The following GRM5 variants were observed in gnomAD, a reference collection of about 807,000 sequenced individuals.
The protein encoded by GRM5 is glutamate metabotropic receptor 5.
In GRM5, 19 loss-of-function variants were observed where a neutral mutation model predicts 83.1. That is an observed-to-expected ratio of 0.23 (90% CI 0.16 to 0.34). The LOEUF (loss-of-function observed/expected upper bound fraction) is 0.34. Among genes scored for constraint, GRM5 ranks in the 10% least tolerant of loss-of-function variants. The pLI, the probability that GRM5 is intolerant of heterozygous loss-of-function variation, is 1.00. For synonymous variants in GRM5, 675 were observed against 633.6 expected (o/e 1.07, Z -0.98); for missense variants, 1,160 against 1,588.3 (o/e 0.73, Z 4.58).
intron 3 of GRM5, among the ~76,000 whole-genome samples, chr11:88,774,692 C>T (rs1300172297): frequency 1.3e-5 from 2 of 152,210 alleles, no homozygotes; most frequent in Non-Finnish European, 2.9e-5. Flanking sequence ...GTCTTTTCTG[C>T]ATCTATTGAG....
intron 8 of GRM5, among the ~76,000 whole-genome samples, chr11:88,539,140 G>A (rs888319182): frequency 2.0e-5 from 3 of 152,190 alleles, no homozygotes; most frequent in Non-Finnish European, 4.4e-5. Context: ...GGGACTGATG[G>A]AGCTTAAACC....
At chr11:88,534,066 A>G (rs1942078589) in intron 8 of GRM5, among the ~76,000 whole-genome samples, 2 of 152,188 alleles carry the variant, frequency 1.3e-5, no homozygotes, top group South Asian at 4.1e-4. Flanking sequence ...ATTTCAGAAG[A>G]TGTATGAAAA....
chr11:88,676,365 AT>A lies in GRM5; in HGVS notation c.912-22963del, dbSNP rs1427086961. 2.0e-5 allele frequency among the ~76,000 whole-genome samples: 3 copies of A among 151,982 alleles called. No homozygotes were observed. In the East Asian group the frequency reaches 5.8e-4, roughly 29 times the overall value. On this transcript the variant is annotated intron_variant, in intron 3 of 9. Transcript: ENST00000305447. Reference sequence around the variant, plus strand: ...GCACCTATTATATGCCTATGCTATCATTTGAGATACAATGACAAGCTGTTCT... The same window carrying A: ...GCACCTATTATATGCCTATGCTATCATTGAGATACAATGACAAGCTGTTCT...
chr11:88,974,320 A>G (rs1386552410), intron 2 of GRM5, among the ~76,000 whole-genome samples: 14 of 152,060 alleles, frequency 9.2e-5, no homozygotes, highest in Non-Finnish European at 1.2e-4. Flanking sequence ...GGAGAAAAAG[A>G]TTGAAAAACA....
chr11:88,970,890 T>C (rs1170415345), intron 2 of GRM5, among the ~76,000 whole-genome samples: 2 of 152,172 alleles, frequency 1.3e-5, no homozygotes, highest in African/African-American at 4.8e-5. Context: ...GCTTTCTAAA[T>C]GTCCTTTTCT....
At chr11:88,776,625 G>T (rs1225090578) in intron 3 of GRM5, among the ~76,000 whole-genome samples, 2 of 152,142 alleles carry the variant, frequency 1.3e-5, no homozygotes, top group African/African-American at 4.8e-5. Context: ...CTCTTGTAAC[G>T]CAGGCCTGGT....
At chr11:88,689,148 C>A (rs1340984297) in intron 3 of GRM5, among the ~76,000 whole-genome samples, 1 of 152,042 alleles carries the variant, frequency 6.6e-6, no homozygotes, top group Non-Finnish European at 1.5e-5. Flanking sequence ...CAGTAGTTTC[C>A]TTCCCATTTG....
At chr11:88,679,934 A>T (rs1940434833) in intron 3 of GRM5, among the ~76,000 whole-genome samples, 2 of 1,954 alleles carry the variant, frequency 1.0e-3, no homozygotes, top group African/African-American at 1.1e-3. Flanking sequence ...TGTTTAATAA[A>T]AACAAATAGA....
chr11:88,558,085 G>A (rs1422088887), intron 8 of GRM5, among the ~76,000 whole-genome samples: 1 of 152,002 alleles, frequency 6.6e-6, no homozygotes, highest in African/African-American at 2.4e-5. Context: ...TTTGTGTCTT[G>A]TTTATCTTTA....
At chr11:88,913,587 CTTTT>C (rs5793358) in intron 2 of GRM5, among the ~76,000 whole-genome samples, 14 of 87,324 alleles carry the variant, frequency 1.6e-4, no homozygotes, top group East Asian at 3.3e-4. Context: ...CTCTCTCTCT[CTTTT>C]TTTTTTTTTT....
intron 9 of GRM5, among the ~76,000 whole-genome samples, chr11:88,513,198 T>G (rs1245823117): frequency 1.3e-5 from 2 of 152,164 alleles, no homozygotes; most frequent in Non-Finnish European, 2.9e-5. Context: ...ATATCATAAC[T>G]CTTTGCTATA....
At chr11:88,985,680 C>T (rs1257998779) in intron 2 of GRM5, among the ~76,000 whole-genome samples, 1 of 152,154 alleles carries the variant, frequency 6.6e-6, no homozygotes, top group African/African-American at 2.4e-5. Flanking sequence ...CCCCAAGACA[C>T]TTTCAGAAGA....
At chr11:89,046,666 T>G (rs1432561871) in intron 2 of GRM5, among the ~76,000 whole-genome samples, 1 of 152,200 alleles carries the variant, frequency 6.6e-6, no homozygotes, top group African/African-American at 2.4e-5. Context: ...TAAAATTAAT[T>G]TATTCTTATC....
intron 2 of GRM5, among the ~76,000 whole-genome samples, chr11:88,891,333 C>A: frequency 6.6e-6 from 1 of 152,040 alleles, no homozygotes; most frequent in East Asian, 1.9e-4. Flanking sequence ...TTATGACTAT[C>A]TGGAATTCTA....
intron 2 of GRM5, among the ~76,000 whole-genome samples, chr11:88,897,126 C>T (rs551635091): frequency 4.0e-5 from 6 of 151,778 alleles, no homozygotes; most frequent in African/African-American, 7.3e-5. Flanking sequence ...TAATAATAAC[C>T]GTATGTCTGG....
chr11:88,947,749 C>T (rs1227952345), intron 2 of GRM5, among the ~76,000 whole-genome samples: 1 of 152,120 alleles, frequency 6.6e-6, no homozygotes, highest in South Asian at 2.1e-4. Flanking sequence ...CTTCTCTCCC[C>T]TTTTTGAACA....
At chr11:89,039,269 T>TA (rs202190539) in intron 2 of GRM5, among the ~76,000 whole-genome samples, 77,127 of 145,002 alleles carry the variant, frequency 0.53, 20,985 homozygotes, top group South Asian at 0.69. Flanking sequence ...CGTTTCAAAA[T>TA]AAAAAAAAAA....
chr11:88,969,055 GC>G (rs1939083166), intron 2 of GRM5, among the ~76,000 whole-genome samples: 1 of 152,108 alleles, frequency 6.6e-6, no homozygotes, highest in East Asian at 1.9e-4. Context: ...GGAAATAAGG[GC>G]CTGAACAAGA....
chr11:88,940,019 T>C (rs538871352), intron 2 of GRM5, among the ~76,000 whole-genome samples: 1 of 152,036 alleles, frequency 6.6e-6, no homozygotes, highest in East Asian at 1.9e-4. Flanking sequence ...TTTTATATTA[T>C]GTGTTATCTT....
Sources: allele counts gnomAD v4.1 joint callset (sites outside exome capture counted in the v4.1 genomes callset), GRCh38; gene constraint gnomAD v4.1.1; transcripts MANE v1.5; gene names NCBI Gene and HGNC (gene_info 2026-07-23, HGNC 2026-07-21).